The following DNAH12 variants were observed in gnomAD, a reference collection of about 807,000 sequenced individuals.
The protein encoded by DNAH12 is dynein axonemal heavy chain 12.
A neutral mutation model predicts 371.5 loss-of-function variants in DNAH12; 285 were observed. The ratio of observed to expected loss-of-function variants is 0.77; its 90% confidence interval spans 0.70 to 0.85. The LOEUF (loss-of-function observed/expected upper bound fraction) is 0.85. Ranked by LOEUF, DNAH12 falls within the 40% of genes least tolerant of loss-of-function variation. DNAH12 has a pLI of 0.00. For synonymous variants in DNAH12, 1,200 were observed against 1,213.0 expected (o/e 0.99, Z 0.22); for missense variants, 3,611 against 3,689.4 (o/e 0.98, Z 0.55).
At position 57,421,661 on chromosome 3, in the gene DNAH12, C is replaced by G; in HGVS notation, c.5419G>C (p.Asp1807His). Residue 1807 changes from aspartate to histidine, a missense_variant, in exon 36 of 74, where the codon GAT becomes CAT. Physicochemically the swap from Asp to His is moderately conservative, Grantham distance 81. Transcript: ENST00000495027. ...TCAAAAACACGACGGCCATCTGTAT[C>G]ACAACTTCCTCCAATCGACCAAATC... ...SLIWSIGGSC[D>H]TDGRRVFDTF... 1 of 1,551,624 alleles carries G rather than the reference C, an allele frequency of 6.4e-7. No homozygotes were observed. Among genetic ancestry groups the G allele is most frequent in the Non-Finnish European group, 8.7e-7 (1 of 1,146,970 alleles).
At chr3:57,370,505 A>T (rs2063148262) in intron 55 of DNAH12, among the ~76,000 whole-genome samples, 3 of 152,196 alleles carry the variant, frequency 2.0e-5, no homozygotes, top group Non-Finnish European at 4.4e-5. Flanking sequence ...CAGAGTCTGA[A>T]CTGCTCTCAA....
intron 41 of DNAH12, 99 bp downstream of exon 41, chr3:57,405,552 AAT>A: frequency 7.9e-7 from 1 of 1,268,416 alleles, no homozygotes; most frequent in African/African-American, 1.5e-5. Flanking sequence ...ATGCTAAAAG[AAT>A]ATGTTCATTA....
chr3:57,521,881 G>C (rs7619964), intron 4 of DNAH12, among the ~76,000 whole-genome samples: 133,994 of 152,140 alleles, frequency 0.88, 59,570 homozygotes, highest in African/African-American at 0.96. Flanking sequence ...GAGGGAGACT[G>C]TGTCTCAAAA....
chr3:57,524,177 CT>C (rs995768947), intron 2 of DNAH12, among the ~76,000 whole-genome samples: 2 of 152,120 alleles, frequency 1.3e-5, no homozygotes, highest in African/African-American at 2.4e-5. Flanking sequence ...TATGTATTAT[CT>C]CTGTTCAAAT....
At position 57,508,520 on chromosome 3, in the gene DNAH12, G is replaced by C; in HGVS notation, c.563C>G (p.Pro188Arg). ...TGCCTGCACATAGCTAGAATGCCAAGGATTAGAATAATCTAGGCCTCTGGA... is the reference window on the plus strand; with the variant it reads ...TGCCTGCACATAGCTAGAATGCCAACGATTAGAATAATCTAGGCCTCTGGA... The part of the protein sequence containing the change: ...ESPVGLDYSN[P>R]WHSSYVQARN... The change falls in exon 7 of 74, where the codon CCT becomes CGT. Residue 188 changes from proline to arginine, a missense_variant. Pro to Arg is a moderately radical substitution (Grantham distance 103). Coordinates refer to ENST00000495027, the MANE Select transcript of DNAH12 (RefSeq NM_001366028.2). The C allele has an allele frequency of 6.2e-7, 1 of 1,611,254 alleles. No homozygotes were observed. The highest frequency in any genetic ancestry group is 2.2e-5 in the East Asian group (1 of 44,716).
chr3:57,382,840 T>A (rs1341393566), intron 49 of DNAH12, among the ~76,000 whole-genome samples: 1 of 152,206 alleles, frequency 6.6e-6, no homozygotes, highest in Non-Finnish European at 1.5e-5. Context: ...AGGTATATAT[T>A]GTTATAATAG....
chr3:57,527,442 G>A (rs60632904), intron 2 of DNAH12, among the ~76,000 whole-genome samples: 3,831 of 152,302 alleles, frequency 0.025, 152 homozygotes, highest in African/African-American at 0.087. Context: ...TGCACAGGAA[G>A]CATAGCAGCA....
intron 45 of DNAH12, among the ~76,000 whole-genome samples, chr3:57,391,408 T>G (rs1298302290): frequency 6.6e-6 from 1 of 152,182 alleles, no homozygotes; most frequent in African/African-American, 2.4e-5. Flanking sequence ...CTGCCGGCCT[T>G]CAGACTGGAA....
intron 20 of DNAH12, among the ~76,000 whole-genome samples, chr3:57,458,650 T>C (rs1011978084): frequency 6.6e-6 from 1 of 152,190 alleles, no homozygotes; most frequent in Non-Finnish European, 1.5e-5. Context: ...TAAAAATTAT[T>C]TTCACACTTT....
In DNAH12 at chr3:57,457,747, G is replaced by T; in HGVS notation, c.3310C>A (p.His1104Asn). Reference sequence around the variant, plus strand: ...AGCCTGGCTGCAGCGATCACATCGTGAACACTCCGGAGCATTAGGTCTTCC... The same window carrying T: ...AGCCTGGCTGCAGCGATCACATCGTTAACACTCCGGAGCATTAGGTCTTCC... Reference protein sequence around the residue: ...QVEDLMLRSVHDVIAAARLAY... With the variant: ...QVEDLMLRSVNDVIAAARLAY... Residue 1104 changes from histidine to asparagine, a missense_variant, in exon 22 of 74, where the codon CAC (histidine) becomes AAC (asparagine). His to Asn is a moderately conservative substitution (Grantham distance 68). Transcript: ENST00000495027. 6 of 1,551,430 alleles carry T rather than the reference G, an allele frequency of 3.9e-6. No individual in the cohort carries two copies. The highest frequency in any genetic ancestry group is 4.4e-6 in the Non-Finnish European group (5 of 1,146,900).
rs1201219719 is a variant in DNAH12 at position 57,466,870 on chromosome 3, C to T, written c.2349+1866G>A. 2.6e-5 allele frequency among the ~76,000 whole-genome samples: 4 copies of T among 152,020 alleles called. No individual in the cohort carries two copies. In the South Asian group the frequency reaches 8.3e-4, roughly 32 times the overall value. On this transcript the variant is annotated intron_variant, in intron 17 of 73. Transcript: ENST00000495027. ...AAGTGATCCTCCCACCTCAGCCTCC[C>T]GAGTAGCTGGGACTTCAGGTGTAGC... is the stretch of plus-strand genomic sequence containing the variant.
At position 57,488,510 on chromosome 3, in the gene DNAH12, T is replaced by C. The variant is rs116400976; in HGVS notation, c.1514+999A>G. 9.4e-3 allele frequency among the ~76,000 whole-genome samples: 1,426 copies of C among 152,202 alleles called. 29 individuals are homozygous for C. The highest frequency in any genetic ancestry group is 0.032 in the African/African-American group (1,328 of 41,508). ...CCTGCCTGGAAGGTACTATTTTTCA[T>C]AGTTGACACAGTAGAAAACTGAGGC... On this transcript the variant is annotated intron_variant, in intron 12 of 73. Transcript: ENST00000495027.
At chr3:57,309,001 C>A (rs549323491) in intron 69 of DNAH12, 150 bp downstream of exon 69, 2 of 521,962 alleles carry the variant, frequency 3.8e-6, no homozygotes, top group Non-Finnish European at 6.5e-6. Context: ...CCCCTAATCC[C>A]GCTTGAAGCA....
intron 2 of DNAH12, among the ~76,000 whole-genome samples, chr3:57,537,540 AG>A (rs2069097044): frequency 6.6e-6 from 1 of 152,166 alleles, no homozygotes; most frequent in African/African-American, 2.4e-5. Context: ...TTTGAAAAAG[AG>A]AAGTCTGCGC....
chr3:57,397,589 C>T (rs1414099529), intron 43 of DNAH12, among the ~76,000 whole-genome samples: 5 of 152,170 alleles, frequency 3.3e-5, no homozygotes, highest in African/African-American at 1.2e-4. Flanking sequence ...GCAGCAGAAG[C>T]TGCAGTTCTA....
chr3:57,431,558 TC>T (rs1191898021), intron 32 of DNAH12, among the ~76,000 whole-genome samples: 1 of 152,232 alleles, frequency 6.6e-6, no homozygotes, highest in East Asian at 1.9e-4. Context: ...TATTTTCACA[TC>T]CCTGATGTTT....
At chr3:57,504,853 T>C (rs546438349) in intron 8 of DNAH12, among the ~76,000 whole-genome samples, 1 of 152,244 alleles carries the variant, frequency 6.6e-6, no homozygotes, top group Admixed American at 6.5e-5. Context: ...CTTTTTTCTT[T>C]TCTTTTTTTC....
At chr3:57,420,437 T>C (rs1462068801) in intron 36 of DNAH12, among the ~76,000 whole-genome samples, 1 of 152,192 alleles carries the variant, frequency 6.6e-6, no homozygotes, top group Non-Finnish European at 1.5e-5. Context: ...GTAATTCATA[T>C]TTGTATTTTT....
chr3:57,368,862 G>A (rs2063106497), intron 55 of DNAH12, among the ~76,000 whole-genome samples: 1 of 152,048 alleles, frequency 6.6e-6, no homozygotes, highest in East Asian at 1.9e-4. Context: ...GATGCTGACT[G>A]TCCTAGGTTT....
Sources: gnomAD v4.1 joint callset for allele counts (sites outside exome capture counted in the v4.1 genomes callset) on GRCh38, gnomAD v4.1.1 for gene constraint, MANE v1.5 for transcripts, NCBI Gene and HGNC (gene_info 2026-07-23, HGNC 2026-07-21) for gene names.